The following ST6GAL1 variants were observed in gnomAD, a reference collection of about 807,000 sequenced individuals.
ST6GAL1 encodes ST6 beta-galactoside alpha-2,6-sialyltransferase 1.
A neutral mutation model predicts 38.0 loss-of-function variants in ST6GAL1; 20 were observed. The observed-to-expected ratio is 0.53, with a 90% CI of 0.37 to 0.77. The LOEUF is 0.77. Among genes scored for constraint, ST6GAL1 ranks in the 30% least tolerant of loss-of-function variants. The pLI is 0.00. For missense variants in ST6GAL1, 432 were observed against 496.4 expected, an observed-to-expected ratio of 0.87 and a Z score of 1.23; for synonymous variants, 196 against 188.2, an observed-to-expected ratio of 1.04 and a Z score of -0.34.
intron 1 of ST6GAL1, among the ~76,000 whole-genome samples, chr3:186,937,657 G>C (rs548479712): frequency 1.3e-5 from 2 of 152,182 alleles, no homozygotes; most frequent in East Asian, 1.9e-4. Flanking sequence ...GCAGGATGCC[G>C]TGCGACCTTG....
chr3:187,058,521 AT>A (rs149961316), intron 5 of ST6GAL1, among the ~76,000 whole-genome samples: 2 of 151,324 alleles, frequency 1.3e-5, no homozygotes, highest in South Asian at 2.1e-4. Flanking sequence ...ATACCTTTTA[AT>A]TTTTTTTTAA....
rs1193426631 is a variant in ST6GAL1 at position 187,042,824 on chromosome 3, C to A, written c.121C>A (p.Gln41Lys). 1.2e-6 allele frequency: 2 copies of A among 1,614,162 alleles called. No individual in the cohort carries two copies. The highest frequency in any genetic ancestry group is 1.3e-5 in the African/African-American group (1 of 75,042). Residue 41 changes from glutamine (Q) to lysine (K), a missense_variant, in exon 4 of 8, where the codon CAA (glutamine) becomes AAA (lysine). Gln to Lys is a moderately conservative substitution (Grantham distance 53, BLOSUM62 1). Coordinates refer to ENST00000169298, the MANE Select transcript of ST6GAL1 (RefSeq NM_173216.2). ...GAGTTACTATGATTCCTTTAAATTG[C>A]AAACCAAGGAATTCCAGGTGTTAAA... ...KGSYYDSFKL[Q>K]TKEFQVLKSL...
At chr3:187,037,784 T>G (rs974089034) in intron 2 of ST6GAL1, among the ~76,000 whole-genome samples, 1 of 152,152 alleles carries the variant, frequency 6.6e-6, no homozygotes, top group Admixed American at 6.5e-5. Flanking sequence ...TGTACATTTT[T>G]TCAAAGTCAA....
intron 2 of ST6GAL1, chr3:186,986,656 T>C (rs1715934327): frequency 6.6e-6 from 1 of 152,128 alleles, no homozygotes; most frequent in Non-Finnish European, 1.5e-5. Flanking sequence ...AAGAGGCAAA[T>C]CTTCAGGGTG....
intron 2 of ST6GAL1, among the ~76,000 whole-genome samples, chr3:187,002,597 A>G (rs1016331183): frequency 1.3e-4 from 20 of 152,212 alleles, no homozygotes; most frequent in Non-Finnish European, 1.5e-5. Context: ...CCTCTCTGCC[A>G]ACATCTCATC....
At chr3:187,045,633 C>CA (rs1718267945) in intron 4 of ST6GAL1, among the ~76,000 whole-genome samples, 1 of 152,210 alleles carries the variant, frequency 6.6e-6, no homozygotes, top group Non-Finnish European at 1.5e-5. Flanking sequence ...AGTGGTCACA[C>CA]AACTGGCTAA....
At chr3:186,965,038 G>A (rs1715059335) in intron 2 of ST6GAL1, among the ~76,000 whole-genome samples, 1 of 152,282 alleles carries the variant, frequency 6.6e-6, no homozygotes, top group African/African-American at 2.4e-5. Flanking sequence ...CTGTAGAGAG[G>A]GGCTTAGTTG....
At chr3:187,068,569 G>T (rs1318046301) in intron 5 of ST6GAL1, among the ~76,000 whole-genome samples, 7 of 152,174 alleles carry the variant, frequency 4.6e-5, no homozygotes, top group Non-Finnish European at 1.0e-4. Flanking sequence ...TCATTAAATG[G>T]TGTCTGTTGT....
chr3:186,991,057 T>A (rs1395824756), intron 2 of ST6GAL1, among the ~76,000 whole-genome samples: 1 of 152,186 alleles, frequency 6.6e-6, no homozygotes, highest in Non-Finnish European at 1.5e-5. Context: ...TTTTTCTTTT[T>A]CTCATGTGGT....
Position 187,042,853 on chromosome 3 carries a change from T to C in ST6GAL1, c.150T>C (p.Ser50=), listed in dbSNP as rs1457840778. Residue 50 remains serine (S), a synonymous_variant, in exon 4 of 8, where the codon AGT becomes AGC. Coordinates refer to ENST00000169298, the MANE Select transcript of ST6GAL1 (RefSeq NM_173216.2). ...LQTKEFQVLK[S]LGKLAMGSDS... Reference sequence around the variant, plus strand: ...CCAAGGAATTCCAGGTGTTAAAGAGTCTGGGGAAATTGGCCATGGGGTCTG... The same window carrying C: ...CCAAGGAATTCCAGGTGTTAAAGAGCCTGGGGAAATTGGCCATGGGGTCTG... The C allele has an allele frequency of 2.5e-6, 4 of 1,613,886 alleles. No individual in the cohort carries two copies. The highest frequency in any genetic ancestry group is 3.4e-6 in the Non-Finnish European group (4 of 1,179,972).
chr3:187,031,089 G>A (rs1560169023), intron 2 of ST6GAL1, among the ~76,000 whole-genome samples: 1 of 152,184 alleles, frequency 6.6e-6, no homozygotes. Flanking sequence ...TCTGCAAACA[G>A]ATAAATGTCA....
At chr3:187,037,557 A>G (rs1717971944) in intron 2 of ST6GAL1, among the ~76,000 whole-genome samples, 1 of 152,088 alleles carries the variant, frequency 6.6e-6, no homozygotes, top group African/African-American at 2.4e-5. Context: ...AAGAGCTGAC[A>G]GGTATATATT....
At chr3:187,068,341 C>CAAAAAA (rs112868643) in intron 5 of ST6GAL1, among the ~76,000 whole-genome samples, 3 of 87,822 alleles carry the variant, frequency 3.4e-5, no homozygotes, top group Admixed American at 1.2e-4. Flanking sequence ...GACTCCATCT[C>CAAAAAA]AAAAAAAAAA....
chr3:186,976,307 G>A (rs1293686398), intron 2 of ST6GAL1, among the ~76,000 whole-genome samples: 1 of 152,216 alleles, frequency 6.6e-6, no homozygotes, highest in African/African-American at 2.4e-5. Flanking sequence ...GTTGATAGTT[G>A]AGGTCTGATT....
At chr3:186,994,283 G>A (rs1716287435) in intron 2 of ST6GAL1, among the ~76,000 whole-genome samples, 1 of 152,222 alleles carries the variant, frequency 6.6e-6, no homozygotes, top group African/African-American at 2.4e-5. Flanking sequence ...CTCAGTCTCT[G>A]TAGGGTGAGC....
rs1719582009 is a variant in ST6GAL1, at chr3:187,076,933, C to T, written c.*1130C>T. ...GGGTTTACATACCAGTCCCATTCTT[C>T]CTTTTCAATACCTACCCCCAAATCT... On this transcript the variant is annotated 3_prime_UTR_variant, in exon 8 of 8. Coordinates refer to ENST00000169298, the MANE Select transcript of ST6GAL1 (RefSeq NM_173216.2). 1 of 398,410 alleles carries T rather than the reference C, an allele frequency of 2.5e-6. No homozygotes were observed. The highest frequency in any genetic ancestry group is 4.4e-6 in the Non-Finnish European group (1 of 226,044). 24.7% of individuals were successfully genotyped at this position (398,410 alleles called of 1,614,324 possible). A position where few individuals can be genotyped will look rare whatever the true frequency, so the allele number is the denominator to read the frequency against.
chr3:186,992,762 C>T (rs112752651), intron 2 of ST6GAL1, among the ~76,000 whole-genome samples: 8 of 152,272 alleles, frequency 5.3e-5, no homozygotes, highest in South Asian at 2.1e-4. Context: ...CACCACTGTA[C>T]GCTAGCTTGG....
chr3:187,071,422 A>G (rs959583971), intron 5 of ST6GAL1, among the ~76,000 whole-genome samples: 1 of 152,192 alleles, frequency 6.6e-6, no homozygotes, highest in African/African-American at 2.4e-5. Context: ...TTGAGAGAGC[A>G]GAGCAAATGT....
chr3:187,019,480 T>C (rs904436057), intron 2 of ST6GAL1, among the ~76,000 whole-genome samples: 33 of 152,208 alleles, frequency 2.2e-4, no homozygotes, highest in African/African-American at 7.5e-4. Flanking sequence ...CCCATCTATA[T>C]GCTGTGTGTG....
Sources: allele counts gnomAD v4.1 joint callset (sites outside exome capture counted in the v4.1 genomes callset), GRCh38; gene constraint gnomAD v4.1.1; transcripts MANE v1.5; gene names NCBI Gene and HGNC (gene_info 2026-07-23, HGNC 2026-07-21).